The following SCN4A variants were observed in gnomAD, a reference collection of about 807,000 sequenced individuals.
SCN4A encodes the protein sodium voltage-gated channel alpha subunit 4.
A neutral mutation model predicts 162.0 loss-of-function variants in SCN4A; 83 were observed. The ratio of observed to expected loss-of-function variants is 0.51; its 90% CI spans 0.43 to 0.61. SCN4A has a LOEUF of 0.61. Among genes scored for constraint, SCN4A ranks in the 20% least tolerant of loss-of-function variants. SCN4A has a pLI of 0.00. For synonymous variants in SCN4A, 944 were observed against 985.1 expected (o/e 0.96, Z 0.78); for missense variants, 2,196 against 2,462.5 (o/e 0.89, Z 2.29).
chr17:63,947,849 G>A (rs1908774636), intron 17 of SCN4A, 41 bp downstream of exon 17: 1 of 1,601,152 alleles, frequency 6.2e-7, no homozygotes, highest in Non-Finnish European at 8.5e-7. Context: ...CACACTGACA[G>A]CCTCTGGATG....
chr17:63,961,329 A>G lies in SCN4A; in HGVS notation c.1709T>C (p.Ile570Thr). 1 of 1,613,756 alleles carries G rather than the reference A, an allele frequency of 6.2e-7. No individual in the cohort carries two copies. The highest frequency in any genetic ancestry group is 8.5e-7 in the Non-Finnish European group (1 of 1,179,790). ...CGGGTCCATGACGATCAGGTGGATG[A>G]TGTTCTTGAACTTCAGCCACGGGGC... ...CCAPWLKFKN[I>T]IHLIVMDPFV... Residue 570 changes from isoleucine to threonine, a missense_variant, in exon 11 of 24, where the codon ATC becomes ACC. Transcript: ENST00000435607.
At position 63,949,436 on chromosome 17, in the gene SCN4A, C is replaced by T. The variant is rs1271781803; in HGVS notation, c.2946G>A (p.Glu982=). ...PPEEDPEEQA[E]ENPEGEQPEE... ...CAGGCTGCTCCCCCTCGGGGTTCTC[C>T]TCTGCCTGCTCCTCAGGGTCCTCCT... is the stretch of plus-strand genomic sequence containing the variant. Residue 982 remains glutamate (E), a synonymous_variant, in exon 15 of 24, where the codon GAG becomes GAA. Coordinates refer to ENST00000435607, the MANE Select transcript of SCN4A (RefSeq NM_000334.4). 1.2e-6 allele frequency: 2 copies of T among 1,603,724 alleles called. No individual in the cohort carries two copies. Among genetic ancestry groups the T allele is most frequent in the East Asian group, 2.2e-5 (1 of 44,500 alleles).
chr17:63,938,853 A>T lies in SCN4A; in HGVS notation c.*1918T>A, dbSNP rs1002617947. ...AGGAAGGGGAGACTGCCCCCATTAG[A>T]CGAAACTTCTGAAGGAAGAGATGGA... is the stretch of plus-strand genomic sequence containing the variant. On this transcript the variant is annotated 3_prime_UTR_variant, in exon 24 of 24. Coordinates refer to ENST00000435607, the MANE Select transcript of SCN4A (RefSeq NM_000334.4). 8 of 152,892 alleles carry T rather than the reference A, an allele frequency of 5.2e-5. No individual in the cohort carries two copies. The highest frequency in any genetic ancestry group is 1.9e-4 in the African/African-American group (8 of 41,476). The allele number at this position is 152,892 out of a possible 1,614,324, so 9.5% of individuals were successfully genotyped here.
chr17:63,940,917 AGCT>A lies in SCN4A; in HGVS notation c.5362_5364del (p.Ser1789del), dbSNP rs1326563099. ...TCGCCCTTCTCCTCCGGGCTTGGCG[AGCT>A]GCTGTTCCCATTCTCGTGGCCATAC... On this transcript the variant is annotated inframe_deletion, in exon 24 of 24. Transcript: ENST00000435607. 1.9e-6 allele frequency: 3 copies of A among 1,613,898 alleles called. No homozygotes were observed. In the Admixed American group the frequency reaches 5.0e-5, roughly 27 times the overall value.
intron 8 of SCN4A, among the ~76,000 whole-genome samples, chr17:63,965,813 TA>T (rs1456876034): frequency 6.6e-6 from 1 of 152,224 alleles, no homozygotes; most frequent in African/African-American, 2.4e-5. Context: ...TAAGCTGCCC[TA>T]CTGGCTATCA....
rs1476683609 is a variant in SCN4A at position 63,940,477 on chromosome 17, A to G, written c.*294T>C. On this transcript the variant is annotated 3_prime_UTR_variant, in exon 24 of 24. Coordinates refer to ENST00000435607, the MANE Select transcript of SCN4A (RefSeq NM_000334.4). Reference sequence around the variant, plus strand: ...GAATGTTCTGACCTCCCCCAGGCCAAAAGGAGGGGCGACAGGGCCCAGAGG... The same window carrying G: ...GAATGTTCTGACCTCCCCCAGGCCAGAAGGAGGGGCGACAGGGCCCAGAGG... The G allele has an allele frequency of 1.0e-5, 4 of 389,110 alleles. No individual in the cohort carries two copies. The highest frequency in any genetic ancestry group is 1.8e-5 in the Non-Finnish European group (4 of 217,852). The allele number at this position is 389,110 out of a possible 1,614,324, so 24.1% of individuals were successfully genotyped here. A position where few individuals can be genotyped will look rare whatever the true frequency, so the allele number is the denominator to read the frequency against.
chr17:63,940,590 G>T lies in SCN4A; in HGVS notation c.*181C>A. On this transcript the variant is annotated 3_prime_UTR_variant, in exon 24 of 24. Coordinates refer to ENST00000435607, the MANE Select transcript of SCN4A (RefSeq NM_000334.4). ...CTGAGCGCAATTCCCATTTCCCATG[G>T]TCTGGGAACGCAGGCGCTCGGGCCT... is the stretch of plus-strand genomic sequence containing the variant. 1.6e-6 allele frequency: 1 copy of T among 629,464 alleles called. No homozygotes were observed. The highest frequency in any genetic ancestry group is 2.5e-6 in the Non-Finnish European group (1 of 392,626). The allele number at this position is 629,464 out of a possible 1,614,324, so 39.0% of individuals were successfully genotyped here. A position where few individuals can be genotyped will look rare whatever the true frequency, so the allele number is the denominator to read the frequency against.
chr17:63,940,321 G>C lies in SCN4A; in HGVS notation c.*450C>G, dbSNP rs1908478063. On this transcript the variant is annotated 3_prime_UTR_variant, in exon 24 of 24. Coordinates refer to ENST00000435607, the MANE Select transcript of SCN4A (RefSeq NM_000334.4). ...CACTCCCTGAGGTTAAGACATCTTT[G>C]TCTGGGCTGGGGCTGAGGGGTCTGA... is the stretch of plus-strand genomic sequence containing the variant. The C allele has an allele frequency of 6.1e-6, 1 of 163,826 alleles. No individual in the cohort carries two copies. Among genetic ancestry groups the C allele is most frequent in the East Asian group, 1.8e-4 (1 of 5,604 alleles). The allele number at this position is 163,826 out of a possible 1,614,324, so 10.1% of individuals were successfully genotyped here. A position where few individuals can be genotyped will look rare whatever the true frequency, so the allele number is the denominator to read the frequency against.
chr17:63,947,867 G>A lies in SCN4A; in HGVS notation c.3318+23C>T, dbSNP rs374565934. The A allele has an allele frequency of 2.9e-4, 467 of 1,610,536 alleles. 3 individuals are homozygous for A. In the South Asian group the frequency reaches 3.4e-3, roughly 12 times the overall value. ...ACTGACAGCCTCTGGATGTAGCTAC[G>A]GGGCCAGCGTGGGGGGACTCACATC... On this transcript the variant is annotated intron_variant, in intron 17 of 23. Transcript: ENST00000435607.
Position 63,971,782 on chromosome 17 carries a change from T to C in SCN4A, c.551A>G (p.Asp184Gly), listed in dbSNP as rs757803912. 6 of 1,612,878 alleles carry C rather than the reference T, an allele frequency of 3.7e-6. No individual in the cohort carries two copies. Among genetic ancestry groups the C allele is most frequent in the African/African-American group, 1.3e-5 (1 of 74,856 alleles). Residue 184 changes from aspartate (D) to glycine (G), a missense_variant, in exon 4 of 24, where the codon GAC becomes GGC. Physicochemically the swap from Asp to Gly is moderately conservative, Grantham distance 94. Coordinates refer to ENST00000435607, the MANE Select transcript of SCN4A (RefSeq NM_000334.4). ...IKILARGFCVDDFTFLRDPWN... is the reference protein window; with the variant it reads ...IKILARGFCVGDFTFLRDPWN... The stretch of plus-strand genomic sequence containing the variant: ...GGGGTCCCGGAGGAATGTGAAGTCG[T>C]CGACACAGAAGCCTCGGGCCAGTAT...
chr17:63,971,651 T>C, intron 4 of SCN4A, 71 bp downstream of exon 4: 1 of 1,430,842 alleles, frequency 7.0e-7, no homozygotes, highest in Non-Finnish European at 9.6e-7. Context: ...CCCAGGCAGC[T>C]TCCCTCTTTA....
Position 63,964,527 on chromosome 17 carries a change from C to T in SCN4A, c.1393G>A (p.Glu465Lys). 1 of 1,614,084 alleles carries T rather than the reference C, an allele frequency of 6.2e-7. No individual in the cohort carries two copies. Residue 465 changes from glutamate (E) to lysine (K), a missense_variant, in exon 9 of 24, where the codon GAG becomes AAG. Transcript: ENST00000435607. The stretch of plus-strand genomic sequence containing the variant: ...TCAAGCATCTGCTGAAACTCCTCCT[C>T]TTTCTCCTTATCCTCGGCCAGGGTG... ...EATLAEDKEK[E>K]EEFQQMLEKF...
chr17:63,957,347 A>C lies in SCN4A; in HGVS notation c.2191T>G (p.Cys731Gly). 1 of 1,614,158 alleles carries C rather than the reference A, an allele frequency of 6.2e-7. No homozygotes were observed. Among genetic ancestry groups the C allele is most frequent in the Non-Finnish European group, 8.5e-7 (1 of 1,179,968 alleles). The part of the protein sequence containing the change: ...LFGKSYKECV[C>G]KIALDCNLPR... ...AGGTTGCAGTCCAAGGCAATCTTGC[A>C]CACGCACTCCTTGTAGCTCTTGCCA... The change falls in exon 13 of 24, where the codon TGC (cysteine) becomes GGC (glycine). Residue 731 changes from cysteine to glycine, a missense_variant. Transcript: ENST00000435607.
At chr17:63,946,965 A>G (rs1908744093) in intron 18 of SCN4A, 80 bp downstream of exon 18, 2 of 1,330,628 alleles carry the variant, frequency 1.5e-6, no homozygotes, top group African/African-American at 2.9e-5. Flanking sequence ...GTTGGAGTAT[A>G]GACATGCACC....
At chr17:63,946,465 C>CA (rs1404864268) in intron 18 of SCN4A, among the ~76,000 whole-genome samples, 1 of 124,572 alleles carries the variant, frequency 8.0e-6, no homozygotes, top group Admixed American at 7.5e-5. Context: ...TTTTCTTGCC[C>CA]CCCCCCCCAC....
intron 18 of SCN4A, among the ~76,000 whole-genome samples, chr17:63,946,431 T>C (rs3785568): frequency 0.24 from 34,802 of 146,708 alleles, 4,809 homozygotes; most frequent in African/African-American, 0.38. Context: ...TCCCAGCAGA[T>C]CTCTCTTCCT....
chr17:63,941,062 C>T lies in SCN4A; in HGVS notation c.5220G>A (p.Arg1740=), dbSNP rs767847345. ...CAIKIQRAYR[R]HLLQRSMKQA... is the part of the protein sequence containing the mutation. ...GCTTCATGGAGCGCTGTAGCAGGTG[C>T]CGGCGGTAGGCCCTCTGGATCTTGA... Residue 1740 remains arginine, a synonymous_variant, in exon 24 of 24, where the codon CGG becomes CGA. Transcript: ENST00000435607. This position sits in a 1 kb window ranked among gnomAD's most constrained non-coding sequence, Gnocchi z 6.2. 9 of 1,613,930 alleles carry T rather than the reference C, an allele frequency of 5.6e-6. No individual in the cohort carries two copies. Among genetic ancestry groups the T allele is most frequent in the Non-Finnish European group, 7.6e-6 (9 of 1,179,870 alleles).
Position 63,945,741 on chromosome 17 carries a change from A to G in SCN4A, c.3442-103T>C, listed in dbSNP as rs1483112588. 1.1e-5 allele frequency: 12 copies of G among 1,112,782 alleles called. No individual in the cohort carries two copies. The highest frequency in any genetic ancestry group is 1.6e-5 in the African/African-American group (1 of 61,128). The allele number at this position is 1,112,782 out of a possible 1,614,324, so 68.9% of individuals were successfully genotyped here. On this transcript the variant is annotated intron_variant, in intron 18 of 23. Coordinates refer to ENST00000435607, the MANE Select transcript of SCN4A (RefSeq NM_000334.4). The surrounding 1 kb of genome is among the most constrained non-coding windows in gnomAD (Gnocchi z 4.4). ...GACCAGGCAGAGCTGGGCATTGTCAATTAGGGAGGGCTTCCTAGAGGAGGG... is the reference window on the plus strand; with the variant it reads ...GACCAGGCAGAGCTGGGCATTGTCAGTTAGGGAGGGCTTCCTAGAGGAGGG...
chr17:63,955,801 A>C (rs1909055581), intron 13 of SCN4A, among the ~76,000 whole-genome samples: 1 of 152,088 alleles, frequency 6.6e-6, no homozygotes. Flanking sequence ...TAGCTGCAGC[A>C]TAGTCTTCTT....
Sources: allele counts gnomAD v4.1 joint callset (sites outside exome capture counted in the v4.1 genomes callset), GRCh38; gene constraint gnomAD v4.1.1; non-coding constraint Gnocchi (gnomAD v3.1); transcripts MANE v1.5; gene names NCBI Gene and HGNC (gene_info 2026-07-23, HGNC 2026-07-21).